Variants in CDH10 observed in about 807,000 individuals in gnomAD.
CDH10 encodes the protein cadherin-10.
Under a neutral mutation model 73.1 loss-of-function variants are expected in CDH10, and 30 were observed. The ratio of observed to expected loss-of-function variants is 0.41; its 90% CI spans 0.31 to 0.56. The LOEUF (loss-of-function observed/expected upper bound fraction) is 0.56, where lower values mean the gene tolerates loss of function less well. Among genes scored for constraint, CDH10 ranks in the 20% least tolerant of loss-of-function variants. The probability of loss-of-function intolerance (pLI) is 0.27; values close to 1 mark genes in which losing one functional copy is unlikely to be tolerated. For missense variants in CDH10, 815 were observed against 973.7 expected, an observed-to-expected ratio of 0.84 and a Z score of 2.17; for synonymous variants, 345 against 348.2, an observed-to-expected ratio of 0.99 and a Z score of 0.10.
chr5:24,539,313 CTTTT>C (rs1224956817), intron 2 of CDH10, among the ~76,000 whole-genome samples: 1 of 151,902 alleles, frequency 6.6e-6, no homozygotes, highest in Non-Finnish European at 1.5e-5. Context: ...TTTAAGAAGA[CTTTT>C]GTTTATTTAA....
At chr5:24,618,434 T>G (rs1283255958) in intron 1 of CDH10, among the ~76,000 whole-genome samples, 1 of 152,024 alleles carries the variant, frequency 6.6e-6, no homozygotes, top group Non-Finnish European at 1.5e-5. Context: ...AATATTACTC[T>G]TAAAACTCAT....
chr5:24,540,630 A>G (rs2111909528), intron 2 of CDH10, among the ~76,000 whole-genome samples: 1 of 152,084 alleles, frequency 6.6e-6, no homozygotes, highest in East Asian at 1.9e-4. Context: ...CAATGGGAAT[A>G]TAATTAAGAG....
chr5:24,575,930 T>A (rs1398390741), intron 2 of CDH10, among the ~76,000 whole-genome samples: 1 of 152,102 alleles, frequency 6.6e-6, no homozygotes, highest in Admixed American at 6.5e-5. Context: ...TTCCAAAATG[T>A]TCAAAATGCT....
intron 1 of CDH10, among the ~76,000 whole-genome samples, chr5:24,598,204 G>T (rs1486047562): frequency 6.6e-6 from 1 of 151,856 alleles, no homozygotes; most frequent in Non-Finnish European, 1.5e-5. Flanking sequence ...CACCATGTGA[G>T]ATAATTGAAT....
rs148129121 is a variant in CDH10 at position 24,635,900 on chromosome 5, A to G, written c.-124+8694T>C. 3.7e-4 allele frequency among the ~76,000 whole-genome samples: 56 copies of G among 152,070 alleles called. No homozygotes were observed. In the East Asian group the frequency reaches 8.9e-3, roughly 24 times the overall value. ...AAATTCAGAATGAAGAATTTATTACATTGTCCGTAGAATTAGTAAGAGAAT... is the reference window on the plus strand; with the variant it reads ...AAATTCAGAATGAAGAATTTATTACGTTGTCCGTAGAATTAGTAAGAGAAT... On this transcript the variant is annotated intron_variant, in intron 1 of 11. Transcript: ENST00000264463.
intron 5 of CDH10, among the ~76,000 whole-genome samples, chr5:24,516,226 A>G (rs1743103239): frequency 6.6e-6 from 1 of 152,190 alleles, no homozygotes; most frequent in East Asian, 1.9e-4. Context: ...GTAGTGTATT[A>G]TATCATAGCA....
chr5:24,491,462 A>C (rs1205764357), intron 11 of CDH10, 114 bp downstream of exon 11: 2 of 760,778 alleles, frequency 2.6e-6, no homozygotes, highest in African/African-American at 3.5e-5. Context: ...AAGTTAATTT[A>C]TGTCTATCTT....
intron 5 of CDH10, among the ~76,000 whole-genome samples, chr5:24,525,981 A>C (rs1336199795): frequency 2.0e-5 from 3 of 152,078 alleles, no homozygotes; most frequent in African/African-American, 7.2e-5. Context: ...AGCATATAGG[A>C]TTCAGCGAGG....
chr5:24,579,380 TATAG>T (rs930063377), intron 2 of CDH10, among the ~76,000 whole-genome samples: 9 of 143,734 alleles, frequency 6.3e-5, no homozygotes, highest in Non-Finnish European at 7.7e-5. Context: ...CATCTATGTA[TATAG>T]ATATATATTT....
chr5:24,540,872 G>T (rs1744127831), intron 2 of CDH10, among the ~76,000 whole-genome samples: 1 of 151,774 alleles, frequency 6.6e-6, no homozygotes, highest in Admixed American at 6.6e-5. Context: ...TTTGATACAT[G>T]GACAAGTAAA....
rs181128835 is a variant in CDH10 at position 24,584,853 on chromosome 5, T to C, written c.231+8407A>G. ...TTCATCATTTCAAATATAGCTTTTT[T>C]TTTTCCCCCCTGATACAAGGTCTCA... On this transcript the variant is annotated intron_variant, in intron 2 of 11. Coordinates refer to ENST00000264463, the MANE Select transcript of CDH10 (RefSeq NM_006727.5). Among the ~76,000 whole-genome samples, 384 of 150,900 alleles carry C rather than the reference T, an allele frequency of 2.5e-3. 1 individual carries two copies. The highest frequency in any genetic ancestry group is 0.014 in the Middle Eastern group (4 of 278).
At chr5:24,503,848 G>T (rs181115135) in intron 8 of CDH10, among the ~76,000 whole-genome samples, 176 of 152,144 alleles carry the variant, frequency 1.2e-3, no homozygotes, top group Non-Finnish European at 1.9e-3. Flanking sequence ...TGTGAACTCT[G>T]ATTAACAATA....
chr5:24,620,951 G>A (rs2112168065), intron 1 of CDH10, among the ~76,000 whole-genome samples: 1 of 152,280 alleles, frequency 6.6e-6, no homozygotes, highest in East Asian at 1.9e-4. Context: ...TATCGTCAAG[G>A]TCTAACTGCC....
At chr5:24,598,415 T>C (rs979575184) in intron 1 of CDH10, among the ~76,000 whole-genome samples, 7 of 151,982 alleles carry the variant, frequency 4.6e-5, no homozygotes, top group Non-Finnish European at 1.0e-4. Context: ...TTTTATGTCG[T>C]CCATGCAAAG....
intron 2 of CDH10, among the ~76,000 whole-genome samples, chr5:24,542,625 A>T (rs1744197150): frequency 6.6e-6 from 1 of 152,138 alleles, no homozygotes; most frequent in African/African-American, 2.4e-5. Context: ...ATTTCTCAGA[A>T]GTTGAAGCTA....
intron 1 of CDH10, among the ~76,000 whole-genome samples, chr5:24,596,842 CCT>C (rs1746388509): frequency 6.6e-6 from 1 of 151,660 alleles, no homozygotes; most frequent in Non-Finnish European, 1.5e-5. Flanking sequence ...TTTATAAAAG[CCT>C]CTCTAAATAT....
chr5:24,644,405 C>G (rs564148211), intron 1 of CDH10, among the ~76,000 whole-genome samples, 189 bp downstream of exon 1: 29 of 152,148 alleles, frequency 1.9e-4, no homozygotes, highest in African/African-American at 7.0e-4. Flanking sequence ...ATATTCGAAG[C>G]AGTTGTTTCT....
intron 1 of CDH10, among the ~76,000 whole-genome samples, chr5:24,613,677 T>A (rs1472196189): frequency 1.3e-5 from 2 of 152,074 alleles, no homozygotes; most frequent in African/African-American, 4.8e-5. Context: ...GCCTCAAGCT[T>A]TAAATAAACT....
chr5:24,641,215 G>A (rs1014747547), intron 1 of CDH10, among the ~76,000 whole-genome samples: 2 of 151,962 alleles, frequency 1.3e-5, no homozygotes, highest in Non-Finnish European at 2.9e-5. Flanking sequence ...ATACTAAAAT[G>A]TCAAGTGAGG....
Sources: gnomAD v4.1 joint callset for allele counts (sites outside exome capture counted in the v4.1 genomes callset) on GRCh38, gnomAD v4.1.1 for gene constraint, MANE v1.5 for transcripts, NCBI Gene and HGNC (gene_info 2026-07-23, HGNC 2026-07-21) for gene names.